The following CAST variants were observed in gnomAD, a reference collection of about 807,000 sequenced individuals.
The protein encoded by CAST is MIR583 host.
CAST carries 76 observed loss-of-function variants against 119.6 expected under a neutral mutation model. That is an observed-to-expected ratio of 0.64 (90% confidence interval 0.53 to 0.77). The LOEUF is 0.77. Among genes scored for constraint, CAST ranks in the 30% least tolerant of loss-of-function variants. The probability of loss-of-function intolerance (pLI) is 0.00; values close to 1 mark genes in which losing one functional copy is unlikely to be tolerated. For synonymous variants in CAST, 319 were observed against 331.6 expected, an observed-to-expected ratio of 0.96 and a Z score of 0.41; for missense variants, 953 against 946.5, an observed-to-expected ratio of 1.01 and a Z score of -0.09.
At chr5:96,552,506 G>T (rs1746153504) in intron 1 of CAST, among the ~76,000 whole-genome samples, 1 of 152,016 alleles carries the variant, frequency 6.6e-6, no homozygotes, top group African/African-American at 2.4e-5. Flanking sequence ...ACAATTAAAA[G>T]AACTAAAGAA....
rs754232012 is a variant in CAST, at chr5:96,765,251, G to C, written c.1963G>C (p.Asp655His). 1 of 1,602,072 alleles carries C rather than the reference G, an allele frequency of 6.2e-7. No homozygotes were observed. The highest frequency in any genetic ancestry group is 1.1e-5 in the South Asian group (1 of 90,702). Residue 655 changes from aspartate (D) to histidine (H), a missense_variant, in exon 26 of 32, where the codon GAT (aspartate) becomes CAT (histidine). Asp to His is a moderately conservative substitution (Grantham distance 81). Transcript: ENST00000675179. ...TGACAAAGACCTCGATGATGCCTTG[G>C]ATAAACTCTCTGACAGTCTAGGACA... ...QSDKDLDDAL[D>H]KLSDSLGQRQ...
the CAST span, among the ~76,000 whole-genome samples, chr5:96,255,266 C>A: frequency 6.6e-6 from 1 of 152,048 alleles, no homozygotes. Context: ...GCTTTTGCCT[C>A]AAAGCTTGGA....
chr5:96,754,372 C>T (rs754896877), intron 21 of CAST, among the ~76,000 whole-genome samples: 6 of 152,134 alleles, frequency 3.9e-5, no homozygotes, highest in South Asian at 2.1e-4. Context: ...ATGCACAGAC[C>T]GGAGGCCTCT....
chr5:96,365,367 C>T, the CAST span, among the ~76,000 whole-genome samples: 1 of 152,148 alleles, frequency 6.6e-6, no homozygotes, highest in Non-Finnish European at 1.5e-5. Context: ...GAGTTCAATT[C>T]CCAGATATCC....
chr5:96,255,731 C>G, the CAST span, among the ~76,000 whole-genome samples: 1 of 151,990 alleles, frequency 6.6e-6, no homozygotes, highest in Admixed American at 6.6e-5. Context: ...CAGAAAAGGG[C>G]CTGGTCTAAT....
At chr5:96,337,052 A>G in the CAST span, among the ~76,000 whole-genome samples, 2 of 152,224 alleles carry the variant, frequency 1.3e-5, no homozygotes. Context: ...CATATTTGAA[A>G]AAAAGACACT....
the CAST span, among the ~76,000 whole-genome samples, chr5:95,989,934 G>C: frequency 6.6e-6 from 1 of 152,010 alleles, no homozygotes; most frequent in East Asian, 1.9e-4. Flanking sequence ...GAAACAGTGA[G>C]CTTTTAATAA....
chr5:96,067,903 C>T, the CAST span, among the ~76,000 whole-genome samples: 4 of 152,028 alleles, frequency 2.6e-5, no homozygotes, highest in Admixed American at 2.6e-4. Context: ...TACACAGTTC[C>T]TGTATTTGCA....
At chr5:96,532,206 T>A (rs997378220) in intron 1 of CAST, among the ~76,000 whole-genome samples, 29 of 151,878 alleles carry the variant, frequency 1.9e-4, no homozygotes, top group Admixed American at 3.3e-4. Flanking sequence ...ATCAAAGACA[T>A]AATGCAAGGA....
At chr5:96,763,377 T>C in intron 25 of CAST, 1 of 701,232 alleles carries the variant, frequency 1.4e-6, no homozygotes, top group Non-Finnish European at 2.6e-6. Flanking sequence ...TGTGCATGTG[T>C]GTATGTAAAC....
Position 96,770,784 on chromosome 5 carries a change from T to A in CAST, c.2340+182T>A, listed in dbSNP as rs371165127. On this transcript the variant is annotated intron_variant, in intron 30 of 31. Transcript: ENST00000675179. The stretch of plus-strand genomic sequence containing the variant: ...TTGTATAAATACATATATTTTTAAG[T>A]AACTGGTGCTTTAAAATCCTAAATG... Among the ~76,000 whole-genome samples the A allele has an allele frequency of 1.1e-3, 164 of 152,302 alleles. 1 individual carries two copies. In the South Asian group the frequency reaches 0.033, roughly 31 times the overall value.
intron 8 of CAST, among the ~76,000 whole-genome samples, chr5:96,729,956 G>A (rs185381049): frequency 3.8e-4 from 58 of 152,308 alleles, no homozygotes; most frequent in African/African-American, 1.2e-3. Context: ...TGCGCTGTCC[G>A]TCCTTCTCCT....
At chr5:96,126,641 T>C in the CAST span, among the ~76,000 whole-genome samples, 1 of 152,134 alleles carries the variant, frequency 6.6e-6, no homozygotes, top group African/African-American at 2.4e-5. Flanking sequence ...TATTTGTAAG[T>C]ATTCAAACTA....
the CAST span, among the ~76,000 whole-genome samples, chr5:96,278,090 T>A: frequency 1.4e-4 from 21 of 151,402 alleles, no homozygotes; most frequent in Non-Finnish European, 3.1e-4. Context: ...AGAAGCAGAG[T>A]CTGAGAGTGG....
At chr5:96,007,622 G>GT in the CAST span, among the ~76,000 whole-genome samples, 6 of 13,568 alleles carry the variant, frequency 4.4e-4, 1 homozygote, top group South Asian at 7.6e-3. Flanking sequence ...AGAGGAAGAT[G>GT]GGGCCGGGCG....
At chr5:96,108,600 T>C in the CAST span, among the ~76,000 whole-genome samples, 210 of 152,324 alleles carry the variant, frequency 1.4e-3, no homozygotes, top group African/African-American at 4.9e-3. Flanking sequence ...TCCAGCTGCA[T>C]TCTGGGAGAA....
the CAST span, among the ~76,000 whole-genome samples, chr5:95,994,580 A>G: frequency 6.6e-6 from 1 of 152,112 alleles, no homozygotes; most frequent in African/African-American, 2.4e-5. Context: ...CTGATAACTC[A>G]TCAAACCGTA....
intron 1 of CAST, among the ~76,000 whole-genome samples, chr5:96,618,213 C>T (rs1477041416): frequency 6.6e-6 from 1 of 152,156 alleles, no homozygotes; most frequent in Non-Finnish European, 1.5e-5. Flanking sequence ...TCTTGAGAGT[C>T]CTTTGCCCTC....
chr5:96,422,467 G>T, the CAST span, among the ~76,000 whole-genome samples: 1 of 152,162 alleles, frequency 6.6e-6, no homozygotes, highest in South Asian at 2.1e-4. Context: ...GAGAGAGGGT[G>T]CTTGAAATTC....
Sources: gnomAD v4.1 joint callset for allele counts (sites outside exome capture counted in the v4.1 genomes callset) on GRCh38, gnomAD v4.1.1 for gene constraint, MANE v1.5 for transcripts, NCBI Gene and HGNC (gene_info 2026-07-23, HGNC 2026-07-21) for gene names.